TMEM132D: variants seen among roughly 807,000 people sequenced by gnomAD.
The protein encoded by TMEM132D is transmembrane protein 132D, also known as mature OL transmembrane protein.
TMEM132D carries 21 observed loss-of-function variants against 62.3 expected under a neutral mutation model. The ratio of observed to expected loss-of-function variants is 0.34; its 90% CI spans 0.24 to 0.49. TMEM132D has a LOEUF of 0.49. Among genes scored for constraint, TMEM132D ranks in the 20% least tolerant of loss-of-function variants. The probability of loss-of-function intolerance (pLI) is 0.99; values close to 1 mark genes in which losing one functional copy is unlikely to be tolerated. For missense variants in TMEM132D, 1,346 were observed against 1,402.8 expected, an observed-to-expected ratio of 0.96 and a Z score of 0.65; for synonymous variants, 621 against 575.6, an observed-to-expected ratio of 1.08 and a Z score of -1.13.
intron 2 of TMEM132D, among the ~76,000 whole-genome samples, chr12:129,607,013 C>T (rs1264966321): frequency 6.6e-6 from 1 of 151,940 alleles, no homozygotes; most frequent in Non-Finnish European, 1.5e-5. Flanking sequence ...AATGAAGAAA[C>T]TGTGTTCTCA....
At chr12:129,487,807 G>C (rs891246291) in intron 3 of TMEM132D, among the ~76,000 whole-genome samples, 1 of 151,680 alleles carries the variant, frequency 6.6e-6, no homozygotes, top group African/African-American at 2.4e-5. Context: ...CATGGTGGCA[G>C]GCACCTGTAG....
chr12:129,333,834 T>A (rs1014991719), intron 4 of TMEM132D, among the ~76,000 whole-genome samples: 2 of 151,938 alleles, frequency 1.3e-5, no homozygotes, highest in African/African-American at 4.8e-5. Flanking sequence ...ATATAAAAAA[T>A]TATAGGCCAG....
At chr12:129,739,677 C>T (rs1869539002) in intron 1 of TMEM132D, among the ~76,000 whole-genome samples, 1 of 152,184 alleles carries the variant, frequency 6.6e-6, no homozygotes, top group Non-Finnish European at 1.5e-5. Flanking sequence ...CATTCACGTT[C>T]ATTCCTCAGA....
At chr12:129,767,587 A>G (rs1047283638) in intron 1 of TMEM132D, among the ~76,000 whole-genome samples, 4 of 152,216 alleles carry the variant, frequency 2.6e-5, no homozygotes, top group Non-Finnish European at 4.4e-5. Context: ...GGCTGAGATC[A>G]TACAGCATTT....
chr12:129,609,709 C>T lies in TMEM132D; in HGVS notation c.969-78504G>A, dbSNP rs140711079. ...GTGTCTCCTCATCCCACGAAGAGGTCGGGCCCCTCTTCCCCAGTCAGATGC... is the reference window on the plus strand; with the variant it reads ...GTGTCTCCTCATCCCACGAAGAGGTTGGGCCCCTCTTCCCCAGTCAGATGC... On this transcript the variant is annotated intron_variant, in intron 2 of 8. Coordinates refer to ENST00000422113, the MANE Select transcript of TMEM132D (RefSeq NM_133448.3). Among the ~76,000 whole-genome samples, 109 of 152,154 alleles carry T rather than the reference C, an allele frequency of 7.2e-4. 1 individual carries two copies. The East Asian group carries it at 0.015, about 21-fold the overall frequency.
At chr12:129,322,241 G>A (rs962305649) in intron 4 of TMEM132D, among the ~76,000 whole-genome samples, 1 of 151,980 alleles carries the variant, frequency 6.6e-6, no homozygotes, top group Non-Finnish European at 1.5e-5. Flanking sequence ...CATTGGCCCT[G>A]TATATTCTTA....
chr12:129,846,761 C>T (rs116080106), intron 1 of TMEM132D, among the ~76,000 whole-genome samples: 1,872 of 152,226 alleles, frequency 0.012, 40 homozygotes, highest in African/African-American at 0.042. Context: ...ATATTTTTAA[C>T]TTTGGTTATT....
intron 4 of TMEM132D, among the ~76,000 whole-genome samples, chr12:129,274,923 C>T (rs2135603862): frequency 6.6e-6 from 1 of 152,136 alleles, no homozygotes; most frequent in East Asian, 1.9e-4. Context: ...TATTTTACTA[C>T]AAATGATAAC....
At chr12:129,360,096 T>G (rs1361942285) in intron 3 of TMEM132D, among the ~76,000 whole-genome samples, 3 of 152,174 alleles carry the variant, frequency 2.0e-5, no homozygotes, top group Non-Finnish European at 4.4e-5. Context: ...GGACAATTCT[T>G]CATGATATGA....
chr12:129,632,027 A>G (rs1312208343), intron 2 of TMEM132D, among the ~76,000 whole-genome samples: 1 of 152,236 alleles, frequency 6.6e-6, no homozygotes, highest in Non-Finnish European at 1.5e-5. Flanking sequence ...TCACTGCAGC[A>G]TTATTTACAA....
intron 3 of TMEM132D, among the ~76,000 whole-genome samples, chr12:129,418,909 G>C (rs1268651072): frequency 6.6e-6 from 1 of 152,120 alleles, no homozygotes; most frequent in Non-Finnish European, 1.5e-5. Flanking sequence ...TGTGATAGCA[G>C]AGTCATGCCG....
At chr12:129,095,050 G>A (rs2135631099) in intron 5 of TMEM132D, among the ~76,000 whole-genome samples, 1 of 150,038 alleles carries the variant, frequency 6.7e-6, no homozygotes, top group South Asian at 2.2e-4. Context: ...GGGGAGGGGG[G>A]AAGGATAGCA....
chr12:129,901,125 T>G (rs1229574203), intron 1 of TMEM132D, among the ~76,000 whole-genome samples: 2 of 152,214 alleles, frequency 1.3e-5, no homozygotes, highest in African/African-American at 4.8e-5. Flanking sequence ...ATAATATTCT[T>G]TTTCAATCAG....
At chr12:129,130,986 C>A (rs529794949) in intron 5 of TMEM132D, among the ~76,000 whole-genome samples, 1 of 152,218 alleles carries the variant, frequency 6.6e-6, no homozygotes, top group African/African-American at 2.4e-5. Context: ...AGTGGTGGGA[C>A]CGAGGCATCA....
At chr12:129,511,039 G>T (rs556305903) in intron 3 of TMEM132D, among the ~76,000 whole-genome samples, 1 of 152,044 alleles carries the variant, frequency 6.6e-6, no homozygotes, top group African/African-American at 2.4e-5. Context: ...TAGGTCTTTT[G>T]TAGTTTCACA....
intron 1 of TMEM132D, among the ~76,000 whole-genome samples, chr12:129,878,577 T>C (rs1238050338): frequency 1.2e-5 from 1 of 83,644 alleles, no homozygotes; most frequent in East Asian, 2.3e-4. Context: ...CTGCTGCAGA[T>C]TGCTTTTTTT....
rs781449567 is a variant in TMEM132D at position 129,078,508 on chromosome 12, AGT to A, written c.2115+24_2115+25del. On this transcript the variant is annotated intron_variant, in intron 8 of 8. Coordinates refer to ENST00000422113, the MANE Select transcript of TMEM132D (RefSeq NM_133448.3). The stretch of plus-strand genomic sequence containing the variant: ...TCCACTTGGTGAGGGACCCTGCTGA[AGT>A]GTGTCTCAAGCCCTCCTCCATACCT... 4 of 1,603,666 alleles carry A rather than the reference AGT, an allele frequency of 2.5e-6. No homozygotes were observed. In the African/African-American group the frequency reaches 5.4e-5, roughly 21 times the overall value.
intron 2 of TMEM132D, among the ~76,000 whole-genome samples, chr12:129,601,457 CG>C (rs1284453091): frequency 1.3e-5 from 2 of 152,160 alleles, no homozygotes; most frequent in African/African-American, 4.8e-5. Flanking sequence ...TCTCCACGTT[CG>C]AAACATAACC....
At position 129,088,973 on chromosome 12, in the gene TMEM132D, A is replaced by G. The variant is rs377718730; in HGVS notation, c.1444-4271T>C. On this transcript the variant is annotated intron_variant, in intron 5 of 8. Coordinates refer to ENST00000422113, the MANE Select transcript of TMEM132D (RefSeq NM_133448.3). The stretch of plus-strand genomic sequence containing the variant: ...TGACCGGGTGTCCTCCCTGACCGGG[A>G]TGTCCTCCATGACCGGGGTGTCCTC... Among the ~76,000 whole-genome samples, 4 of 15,758 alleles carry G rather than the reference A, an allele frequency of 2.5e-4. 1 individual carries two copies. The highest frequency in any genetic ancestry group is 2.8e-3 in the South Asian group (1 of 354). The allele number at this position is 15,758 out of a possible 152,430, so 10.3% of individuals were successfully genotyped here.
Sources: allele counts gnomAD v4.1 joint callset (sites outside exome capture counted in the v4.1 genomes callset), GRCh38; gene constraint gnomAD v4.1.1; transcripts MANE v1.5; gene names NCBI Gene and HGNC (gene_info 2026-07-23, HGNC 2026-07-21).